Variants in EXO1 observed in about 807,000 individuals in gnomAD.
EXO1 encodes the protein exonuclease 1.
A neutral mutation model predicts 84.5 loss-of-function variants in EXO1; 69 were observed. The observed-to-expected ratio is 0.82, with a 90% CI of 0.67 to 1.00. EXO1 has a LOEUF of 1.00. Ranked by LOEUF, EXO1 falls within the 50% of genes least tolerant of loss-of-function variation. EXO1 has a pLI of 0.00. For missense variants in EXO1, 1,045 were observed against 1,000.7 expected, an observed-to-expected ratio of 1.04 and a Z score of -0.60; for synonymous variants, 373 against 366.1, an observed-to-expected ratio of 1.02 and a Z score of -0.21.
At chr1:241,850,632 C>T in intron 4 of EXO1, 46 bp downstream of exon 4, 1 of 1,503,396 alleles carries the variant, frequency 6.7e-7, no homozygotes, top group Middle Eastern at 1.7e-4. Flanking sequence ...AAGAATGAGA[C>T]CTACAGTGCC....
At chr1:241,887,692 G>A (rs956881606) in intron 15 of EXO1, among the ~76,000 whole-genome samples, 2 of 152,118 alleles carry the variant, frequency 1.3e-5, no homozygotes, top group African/African-American at 4.8e-5. Flanking sequence ...AGGCTGGAGT[G>A]CAGTGGCACA....
At position 241,879,469 on chromosome 1, in the gene EXO1, T is replaced by C. The variant is rs576673118; in HGVS notation, c.2109+126T>C. 2.8e-5 allele frequency: 18 copies of C among 637,070 alleles called. No individual in the cohort carries two copies. In the Admixed American group the frequency reaches 3.1e-4, roughly 11 times the overall value. 39.5% of individuals were successfully genotyped at this position (637,070 alleles called of 1,614,324 possible). A position where few individuals can be genotyped will look rare whatever the true frequency, so the allele number is the denominator to read the frequency against. On this transcript the variant is annotated intron_variant, in intron 13 of 15. Transcript: ENST00000366548. ...TATATTATTTTTTCATTCTAAACTC[T>C]ACTGTGCAGAAAGTTCACATTTTAT... is the stretch of plus-strand genomic sequence containing the variant.
intron 11 of EXO1, among the ~76,000 whole-genome samples, chr1:241,867,981 C>A (rs1661847322): frequency 6.7e-6 from 1 of 148,638 alleles, no homozygotes; most frequent in African/African-American, 2.5e-5. Flanking sequence ...TGGTTTGCAC[C>A]TACAACTGCA....
At chr1:241,853,308 G>C in intron 5 of EXO1, 50 bp from the exon 6 acceptor site, 1 of 1,599,326 alleles carries the variant, frequency 6.3e-7, no homozygotes, top group Non-Finnish European at 8.6e-7. Flanking sequence ...ACAGTTTCTT[G>C]AGTCAGCCTC....
chr1:241,869,516 T>G (rs373121585), intron 11 of EXO1, among the ~76,000 whole-genome samples: 316 of 152,248 alleles, frequency 2.1e-3, no homozygotes, highest in African/African-American at 7.3e-3. Flanking sequence ...AACAAAGACT[T>G]GCAAATTTTA....
intron 12 of EXO1, among the ~76,000 whole-genome samples, chr1:241,872,596 C>T (rs1662180483): frequency 6.6e-6 from 1 of 152,208 alleles, no homozygotes; most frequent in Admixed American, 6.5e-5. Context: ...TGAGCGAGAA[C>T]ATGTGGTGTT....
chr1:241,883,499 C>G (rs1042893334), intron 14 of EXO1, among the ~76,000 whole-genome samples: 1 of 152,114 alleles, frequency 6.6e-6, no homozygotes, highest in Non-Finnish European at 1.5e-5. Flanking sequence ...ATCTAATCAC[C>G]TCTCAAAAAT....
intron 14 of EXO1, among the ~76,000 whole-genome samples, chr1:241,882,273 AG>A (rs1662813666): frequency 6.6e-6 from 1 of 152,190 alleles, no homozygotes; most frequent in Non-Finnish European, 1.5e-5. Flanking sequence ...GCAGTTGTAT[AG>A]GTTTGGTCAA....
At chr1:241,887,162 G>A (rs1390261024) in intron 15 of EXO1, among the ~76,000 whole-genome samples, 1 of 152,094 alleles carries the variant, frequency 6.6e-6, no homozygotes, top group East Asian at 1.9e-4. Flanking sequence ...GCAGTCCACT[G>A]GTGTCCCTTT....
At chr1:241,853,512 C>G in intron 6 of EXO1, 31 bp downstream of exon 6, 1 of 1,612,886 alleles carries the variant, frequency 6.2e-7, no homozygotes, top group Non-Finnish European at 8.5e-7. Context: ...GGCAAGTTCA[C>G]CAAAGCTAGT....
At chr1:241,871,811 A>G (rs947652373) in intron 11 of EXO1, among the ~76,000 whole-genome samples, 13 of 152,128 alleles carry the variant, frequency 8.5e-5, no homozygotes, top group South Asian at 2.1e-4. Flanking sequence ...TGTATAAACA[A>G]CTGATATTAA....
intron 6 of EXO1, among the ~76,000 whole-genome samples, chr1:241,856,969 G>T (rs959923012): frequency 6.6e-6 from 1 of 152,228 alleles, no homozygotes; most frequent in African/African-American, 2.4e-5. Context: ...GAGCCCAGGA[G>T]GTCGAAGCTG....
intron 11 of EXO1, 44 bp downstream of exon 11, chr1:241,867,099 A>G: frequency 7.2e-7 from 1 of 1,387,644 alleles, no homozygotes; most frequent in Non-Finnish European, 1.0e-6. Flanking sequence ...TATTGGTCAT[A>G]TTTAAAGAAA....
At chr1:241,863,008 G>A (rs1157160865) in intron 10 of EXO1, among the ~76,000 whole-genome samples, 1 of 152,174 alleles carries the variant, frequency 6.6e-6, no homozygotes, top group Non-Finnish European at 1.5e-5. Flanking sequence ...GGAAGGAGAA[G>A]GGATTCTATA....
chr1:241,858,543 A>AAATT lies in EXO1; in HGVS notation c.582_585dup (p.Asp196AsnfsTer2). On this transcript the variant is annotated frameshift_variant, in exon 8 of 16. Coordinates refer to ENST00000366548, the MANE Select transcript of EXO1 (RefSeq NM_130398.4). LOFTEE classifies it high-confidence loss of function. ...ATGGACCAGTTTGGAAATGGACTTG[A>AAATT]AATTGATCAAGCTCGGCTAGGAATG... is the stretch of plus-strand genomic sequence containing the variant. 6.2e-7 allele frequency: 1 copy of AAATT among 1,614,116 alleles called. No individual in the cohort carries two copies. The highest frequency in any genetic ancestry group is 8.5e-7 in the Non-Finnish European group (1 of 1,179,972).
intron 15 of EXO1, among the ~76,000 whole-genome samples, chr1:241,888,964 A>C (rs143975702): frequency 1.2e-3 from 186 of 152,076 alleles, no homozygotes; most frequent in Middle Eastern, 6.8e-3. Context: ...AGTTCCAGCT[A>C]CTCGGGCTGA....
In EXO1 at chr1:241,857,245, T is replaced by C. The variant is rs544915682; in HGVS notation, c.406-100T>C. ...ATGATTTCTCAAAGTAATATTAGCA[T>C]GTGCCTGCTGAGGCTAGTAATAAAG... is the stretch of plus-strand genomic sequence containing the variant. On this transcript the variant is annotated intron_variant, in intron 6 of 15. Transcript: ENST00000366548. 17 of 1,096,646 alleles carry C rather than the reference T, an allele frequency of 1.6e-5. No individual in the cohort carries two copies. The South Asian group carries it at 1.7e-4, about 11-fold the overall frequency. The allele number at this position is 1,096,646 out of a possible 1,614,324, so 67.9% of individuals were successfully genotyped here.
intron 10 of EXO1, among the ~76,000 whole-genome samples, chr1:241,862,332 C>A (rs549792611): frequency 6.6e-6 from 1 of 152,106 alleles, no homozygotes; most frequent in Non-Finnish European, 1.5e-5. Flanking sequence ...TTCTGTTTAT[C>A]CTCTGTTCTC....
At chr1:241,863,863 A>G (rs1434343108) in intron 10 of EXO1, among the ~76,000 whole-genome samples, 1 of 152,256 alleles carries the variant, frequency 6.6e-6, no homozygotes, top group Non-Finnish European at 1.5e-5. Context: ...GTTAGTGGCT[A>G]ACATAGTGGA....
Sources: gnomAD v4.1 joint callset for allele counts (sites outside exome capture counted in the v4.1 genomes callset) on GRCh38, gnomAD v4.1.1 for gene constraint, MANE v1.5 for transcripts, NCBI Gene and HGNC (gene_info 2026-07-23, HGNC 2026-07-21) for gene names.